The following USP24 variants were observed in gnomAD, a reference collection of about 807,000 sequenced individuals.
The protein encoded by USP24 is ubiquitin carboxyl-terminal hydrolase 24.
USP24 carries 97 observed loss-of-function variants against 361.6 expected under a neutral mutation model. The observed-to-expected ratio is 0.27, with a 90% confidence interval of 0.23 to 0.32. The LOEUF (loss-of-function observed/expected upper bound fraction) is 0.32. Among genes scored for constraint, USP24 ranks in the 10% least tolerant of loss-of-function variants. The probability of loss-of-function intolerance (pLI) is 1.00; values close to 1 mark genes in which losing one functional copy is unlikely to be tolerated. For synonymous variants in USP24, 1,098 were observed against 1,124.6 expected (o/e 0.98, Z 0.47); for missense variants, 2,353 against 3,165.6 (o/e 0.74, Z 6.16).
chr1:55,078,740 G>T lies in USP24; in HGVS notation c.7201-89C>A. 6.1e-6 allele frequency: 6 copies of T among 987,364 alleles called. No individual in the cohort carries two copies. The South Asian group carries it at 8.5e-5, about 14-fold the overall frequency. The allele number at this position is 987,364 out of a possible 1,614,324, so 61.2% of individuals were successfully genotyped here. ...GCTGCCTTTAACTGAAATCTACCCA[G>T]ATTTTAAGATAATTAACACTGCCTG... On this transcript the variant is annotated intron_variant, in intron 60 of 67. Coordinates refer to ENST00000294383, the MANE Select transcript of USP24 (RefSeq NM_015306.3).
At chr1:55,153,630 T>A (rs1168098177) in intron 16 of USP24, among the ~76,000 whole-genome samples, 1 of 152,168 alleles carries the variant, frequency 6.6e-6, no homozygotes, top group South Asian at 2.1e-4. Context: ...TCTAATTTTA[T>A]GAAAATTATA....
rs1251918440 is a variant in USP24, at chr1:55,091,975, A to G, written c.6554+48T>C. 2.2e-6 allele frequency: 3 copies of G among 1,364,014 alleles called. No individual in the cohort carries two copies. The African/African-American group carries it at 4.3e-5, about 20-fold the overall frequency. 84.5% of individuals were successfully genotyped at this position (1,364,014 alleles called of 1,614,324 possible). On this transcript the variant is annotated intron_variant, in intron 54 of 67. Coordinates refer to ENST00000294383, the MANE Select transcript of USP24 (RefSeq NM_015306.3). ...TATAAATTCAACTTCAATTGAATTC[A>G]CCAGTGCCCTCTGTCACAACAGATT...
chr1:55,098,956 G>C (rs1557555753), intron 45 of USP24, among the ~76,000 whole-genome samples: 1 of 152,224 alleles, frequency 6.6e-6, no homozygotes. Context: ...AATGCTGGCA[G>C]TGACAGCGGG....
At chr1:55,211,031 G>T (rs1392941410) in intron 1 of USP24, among the ~76,000 whole-genome samples, 2 of 152,120 alleles carry the variant, frequency 1.3e-5, no homozygotes, top group Non-Finnish European at 1.5e-5. Flanking sequence ...TTTCATAATT[G>T]TTAAGTTCTG....
chr1:55,124,347 C>G (rs1039543353), intron 35 of USP24, 122 bp downstream of exon 35: 32 of 1,176,802 alleles, frequency 2.7e-5, no homozygotes, highest in Non-Finnish European at 3.8e-5. Flanking sequence ...TGAATTTTTA[C>G]TCATGCTCAC....
intron 32 of USP24, among the ~76,000 whole-genome samples, chr1:55,126,193 G>A (rs527939063): frequency 2.0e-5 from 3 of 152,336 alleles, no homozygotes; most frequent in Non-Finnish European, 4.4e-5. Context: ...GGGAAACACT[G>A]CCTCATTCAC....
At chr1:55,172,635 T>C in intron 3 of USP24, 115 bp from the exon 4 acceptor site, 3 of 1,155,146 alleles carry the variant, frequency 2.6e-6, no homozygotes, top group Non-Finnish European at 3.5e-6. Flanking sequence ...CTTTTTTATG[T>C]AGATGATTGG....
At chr1:55,188,916 C>T (rs1312575770) in intron 1 of USP24, among the ~76,000 whole-genome samples, 2 of 140,340 alleles carry the variant, frequency 1.4e-5, no homozygotes, top group Non-Finnish European at 3.0e-5. Flanking sequence ...GCAGAGATCG[C>T]GCCACCCATT....
intron 1 of USP24, among the ~76,000 whole-genome samples, chr1:55,185,450 T>A (rs1004876370): frequency 6.6e-6 from 1 of 151,634 alleles, no homozygotes; most frequent in Admixed American, 6.6e-5. Flanking sequence ...AAAAGTTGGT[T>A]CTTTGAAAAA....
At chr1:55,117,025 A>G (rs1646135462) in intron 38 of USP24, among the ~76,000 whole-genome samples, 1 of 152,220 alleles carries the variant, frequency 6.6e-6, no homozygotes, top group Non-Finnish European at 1.5e-5. Flanking sequence ...GAATTCAAGT[A>G]TGGTCCATGG....
At chr1:55,106,348 C>A in intron 40 of USP24, 85 bp from the exon 41 acceptor site, 1 of 1,036,800 alleles carries the variant, frequency 9.6e-7, no homozygotes, top group Non-Finnish European at 1.4e-6. Context: ...ATCAGAGCAG[C>A]AAAGGTACCC....
In USP24 at chr1:55,124,719, G is replaced by A. The variant is rs75796864; in HGVS notation, c.3961-91C>T. ...CTTCTTACAGGTCTCAGTTTCATAC[G>A]CCTCCTTTCCCTCCAAGGTCATCCA... On this transcript the variant is annotated intron_variant, in intron 34 of 67. Coordinates refer to ENST00000294383, the MANE Select transcript of USP24 (RefSeq NM_015306.3). 3,600 of 1,405,698 alleles carry A rather than the reference G, an allele frequency of 2.6e-3. 70 individuals carry two copies. The African/African-American group carries it at 0.045, about 18-fold the overall frequency. The allele number at this position is 1,405,698 out of a possible 1,614,324, so 87.1% of individuals were successfully genotyped here. A position where few individuals can be genotyped will look rare whatever the true frequency, so the allele number is the denominator to read the frequency against.
intron 54 of USP24, among the ~76,000 whole-genome samples, chr1:55,090,595 A>C (rs1645352106): frequency 6.6e-6 from 1 of 152,230 alleles, no homozygotes; most frequent in Non-Finnish European, 1.5e-5. Flanking sequence ...TCACTTTGCT[A>C]GTGAGAGGGA....
chr1:55,120,277 G>A (rs1382324983), intron 38 of USP24, among the ~76,000 whole-genome samples: 1 of 152,106 alleles, frequency 6.6e-6, no homozygotes, highest in Non-Finnish European at 1.5e-5. Flanking sequence ...ATGCACAAGG[G>A]GAGAGGATCA....
At chr1:55,160,112 C>T (rs1044643106) in intron 8 of USP24, among the ~76,000 whole-genome samples, 7 of 152,152 alleles carry the variant, frequency 4.6e-5, no homozygotes, top group Admixed American at 6.5e-5. Context: ...AGATGAAATT[C>T]ATACAATACA....
chr1:55,213,234 T>C (rs770214385), intron 1 of USP24, among the ~76,000 whole-genome samples: 3 of 152,196 alleles, frequency 2.0e-5, no homozygotes, highest in Non-Finnish European at 4.4e-5. Context: ...TTAAAATGAC[T>C]TAAGTATGGT....
intron 16 of USP24, among the ~76,000 whole-genome samples, chr1:55,149,521 G>T (rs1557637878): frequency 6.6e-6 from 1 of 152,146 alleles, no homozygotes; most frequent in Admixed American, 6.6e-5. Flanking sequence ...GTAAATGTGA[G>T]CAAGTTATTG....
rs369290425 is a variant in USP24 at position 55,085,939 on chromosome 1, G to A, written c.6765+3C>T. The stretch of plus-strand genomic sequence containing the variant: ...TAAATAACGTTTTAAAAATGAGACC[G>A]ACCTTATCCTGATAAAACAAGGCAC... On this transcript the variant is annotated splice_donor_region_variant and intron_variant, in intron 56 of 67. Transcript: ENST00000294383. 5.6e-6 allele frequency: 9 copies of A among 1,612,898 alleles called. No individual in the cohort carries two copies. The highest frequency in any genetic ancestry group is 2.2e-5 in the East Asian group (1 of 44,866).
intron 45 of USP24, among the ~76,000 whole-genome samples, chr1:55,099,316 G>T (rs1169057958): frequency 6.6e-6 from 1 of 152,172 alleles, no homozygotes; most frequent in Non-Finnish European, 1.5e-5. Flanking sequence ...CAGCACTTTG[G>T]GAGGCTGAGG....
Sources: gnomAD v4.1 joint callset for allele counts (sites outside exome capture counted in the v4.1 genomes callset) on GRCh38, gnomAD v4.1.1 for gene constraint, MANE v1.5 for transcripts, NCBI Gene and HGNC (gene_info 2026-07-23, HGNC 2026-07-21) for gene names.